Variants in PRKAG2 observed in about 807,000 individuals in gnomAD.
The protein encoded by PRKAG2 is protein kinase AMP-activated non-catalytic subunit gamma 2, also known as 5'-AMP-activated protein kinase subunit gamma-2.
In PRKAG2, 26 loss-of-function variants were observed where a neutral mutation model predicts 69.6. That is an observed-to-expected ratio of 0.37 (90% CI 0.27 to 0.52). The LOEUF (loss-of-function observed/expected upper bound fraction) is 0.52. Among genes scored for constraint, PRKAG2 ranks in the 20% least tolerant of loss-of-function variants. The pLI is 0.90. For missense variants in PRKAG2, 557 were observed against 740.0 expected (o/e 0.75, Z 2.87); for synonymous variants, 293 against 285.0 (o/e 1.03, Z -0.28).
intron 4 of PRKAG2, among the ~76,000 whole-genome samples, chr7:151,647,437 A>G (rs1827759220): frequency 6.6e-6 from 1 of 152,214 alleles, no homozygotes. Context: ...ATTTCTGCAT[A>G]TGTCACACTG....
intron 2 of PRKAG2, 87 bp downstream of exon 2, chr7:151,786,383 A>G (rs953861094): frequency 7.6e-7 from 1 of 1,310,976 alleles, no homozygotes; most frequent in African/African-American, 1.5e-5. Context: ...GTGAGGGTGA[A>G]CACACAGGTG....
At chr7:151,656,062 T>C (rs1829362759) in intron 4 of PRKAG2, among the ~76,000 whole-genome samples, 1 of 152,206 alleles carries the variant, frequency 6.6e-6, no homozygotes, top group South Asian at 2.1e-4. Context: ...CTCAGTCTAA[T>C]TTTTTTAAAC....
At chr7:151,598,933 C>T (rs954103208) in intron 5 of PRKAG2, among the ~76,000 whole-genome samples, 1 of 151,846 alleles carries the variant, frequency 6.6e-6, no homozygotes, top group Non-Finnish European at 1.5e-5. Flanking sequence ...CTCACTGCAA[C>T]CTCTGCCTCC....
chr7:151,605,396 CA>C (rs1817261068), intron 5 of PRKAG2, among the ~76,000 whole-genome samples: 1 of 151,514 alleles, frequency 6.6e-6, no homozygotes, highest in Admixed American at 6.6e-5. Context: ...ATTTTAAAAA[CA>C]AAAATAAAAT....
chr7:151,778,177 C>T (rs762265430), intron 3 of PRKAG2, among the ~76,000 whole-genome samples: 16 of 152,164 alleles, frequency 1.1e-4, no homozygotes, highest in Non-Finnish European at 1.9e-4. Flanking sequence ...CAGCAGTGCC[C>T]GTTCCCTAGC....
intron 3 of PRKAG2, among the ~76,000 whole-genome samples, chr7:151,729,269 T>C (rs1798525835): frequency 1.3e-5 from 2 of 152,270 alleles, no homozygotes; most frequent in South Asian, 4.2e-4. Flanking sequence ...ACTCACTGGC[T>C]ACAGTGTCCG....
intron 5 of PRKAG2, among the ~76,000 whole-genome samples, chr7:151,616,931 T>A (rs1238983816): frequency 6.6e-6 from 1 of 152,004 alleles, no homozygotes; most frequent in Non-Finnish European, 1.5e-5. Context: ...GACAGGAAAG[T>A]TACTCAGGAC....
intron 4 of PRKAG2, among the ~76,000 whole-genome samples, chr7:151,649,544 A>G (rs1000998211): frequency 2.2e-4 from 34 of 152,250 alleles, no homozygotes; most frequent in African/African-American, 5.1e-4. Context: ...CTCATGCCCA[A>G]TTGTAATCTC....
chr7:151,847,803 C>T (rs919045014), intron 1 of PRKAG2, among the ~76,000 whole-genome samples: 4 of 152,216 alleles, frequency 2.6e-5, no homozygotes, highest in African/African-American at 9.6e-5. Context: ...AAGGAGGCCA[C>T]CCTGTGAGGT....
At chr7:151,704,707 C>G (rs1322707444) in intron 3 of PRKAG2, among the ~76,000 whole-genome samples, 1 of 152,200 alleles carries the variant, frequency 6.6e-6, no homozygotes, top group East Asian at 1.9e-4. Context: ...TGTGGAACAC[C>G]TACAATGTGC....
At chr7:151,794,411 A>C (rs1268978058) in intron 1 of PRKAG2, among the ~76,000 whole-genome samples, 1 of 152,248 alleles carries the variant, frequency 6.6e-6, no homozygotes, top group Admixed American at 6.5e-5. Flanking sequence ...TCCAGTGTGT[A>C]AAAGGAGGCC....
chr7:151,795,890 T>TATATAA (rs1491286413), intron 1 of PRKAG2, among the ~76,000 whole-genome samples: 14 of 96,586 alleles, frequency 1.4e-4, no homozygotes, highest in African/African-American at 2.6e-4. Context: ...TATATATATA[T>TATATAA]CACGATAATA....
At chr7:151,744,032 G>A (rs1221779199) in intron 3 of PRKAG2, among the ~76,000 whole-genome samples, 2 of 152,208 alleles carry the variant, frequency 1.3e-5, no homozygotes, top group Admixed American at 1.3e-4. Flanking sequence ...GGAAGGAGAG[G>A]TCAGGGGAAC....
In PRKAG2 at chr7:151,773,048, AGAGAGG is replaced by A. The variant is rs1384675398; in HGVS notation, c.466+8098_466+8103del. On this transcript the variant is annotated intron_variant, in intron 3 of 15. Transcript: ENST00000287878. ...AAGAGAGAGAGAGAGAGAGAGAGAGAGAGAGGGAGGGAGGGAGGGAGGGAGGGAGGG... is the reference window on the plus strand; with the variant it reads ...AAGAGAGAGAGAGAGAGAGAGAGAGAGAGGGAGGGAGGGAGGGAGGGAGGG... Among the ~76,000 whole-genome samples, 202 of 34,494 alleles carry A rather than the reference AGAGAGG, an allele frequency of 5.9e-3. 6 individuals carry two copies. The highest frequency in any genetic ancestry group is 0.016 in the East Asian group (12 of 728). The allele number at this position is 34,494 out of a possible 152,430, so 22.6% of individuals were successfully genotyped here.
At chr7:151,587,819 T>A (rs149166093) in intron 6 of PRKAG2, among the ~76,000 whole-genome samples, 4 of 152,116 alleles carry the variant, frequency 2.6e-5, no homozygotes, top group African/African-American at 9.7e-5. Context: ...GAAAACGGCA[T>A]TATGCAAAAA....
chr7:151,736,570 A>G (rs562310241), intron 3 of PRKAG2, among the ~76,000 whole-genome samples: 1 of 152,304 alleles, frequency 6.6e-6, no homozygotes, highest in South Asian at 2.1e-4. Flanking sequence ...CCATTGTGAC[A>G]TGACATCACA....
chr7:151,574,558 C>T (rs796621829), intron 8 of PRKAG2, among the ~76,000 whole-genome samples: 3 of 152,166 alleles, frequency 2.0e-5, no homozygotes, highest in African/African-American at 4.8e-5. Context: ...TCAACAGGCC[C>T]GCAGAGATAA....
intron 1 of PRKAG2, among the ~76,000 whole-genome samples, chr7:151,865,304 G>A (rs936010454): frequency 4.6e-5 from 7 of 152,278 alleles, no homozygotes; most frequent in Admixed American, 6.5e-5. Flanking sequence ...ACATGCAGGC[G>A]AGGCTGTCCT....
At chr7:151,656,271 T>C (rs1829398127) in intron 4 of PRKAG2, among the ~76,000 whole-genome samples, 1 of 152,066 alleles carries the variant, frequency 6.6e-6, no homozygotes, top group South Asian at 2.1e-4. Context: ...AACCCAGAAT[T>C]TGGCCGGGCA....
Sources: gnomAD v4.1 joint callset for allele counts (sites outside exome capture counted in the v4.1 genomes callset) on GRCh38, gnomAD v4.1.1 for gene constraint, MANE v1.5 for transcripts, NCBI Gene and HGNC (gene_info 2026-07-23, HGNC 2026-07-21) for gene names.